AFF3: variants seen among roughly 807,000 people sequenced by gnomAD.
The protein encoded by AFF3 is AF4/FMR2 family member 3.
Under a neutral mutation model 129.7 loss-of-function variants are expected in AFF3, and 32 were observed. The ratio of observed to expected loss-of-function variants is 0.25; its 90% CI spans 0.19 to 0.33. The LOEUF is 0.33. Among genes scored for constraint, AFF3 ranks in the 10% least tolerant of loss-of-function variants. The pLI, the probability that AFF3 is intolerant of heterozygous loss-of-function variation, is 1.00. For missense variants in AFF3, 1,373 were observed against 1,592.0 expected (o/e 0.86, Z 2.34); for synonymous variants, 644 against 635.4 (o/e 1.01, Z -0.20).
chr2:99,805,552 G>T (rs184929343), intron 8 of AFF3, among the ~76,000 whole-genome samples: 148 of 152,072 alleles, frequency 9.7e-4, no homozygotes, highest in African/African-American at 3.5e-3. Context: ...TGTTGCCTGA[G>T]GAAATAATCC....
At chr2:99,639,743 T>G (rs553389463) in intron 13 of AFF3, among the ~76,000 whole-genome samples, 1 of 151,268 alleles carries the variant, frequency 6.6e-6, no homozygotes, top group African/African-American at 2.4e-5. Flanking sequence ...TGGAGTGCAA[T>G]GGAGTGCAAT....
At chr2:99,551,719 T>C (rs1455906598) in intron 24 of AFF3, 124 bp from the exon 25 acceptor site, 18 of 1,251,954 alleles carry the variant, frequency 1.4e-5, no homozygotes, top group Admixed American at 2.3e-5. Context: ...CGTTCCATCA[T>C]GTAACTTTAG....
At chr2:99,778,416 C>T (rs1238567728) in intron 8 of AFF3, among the ~76,000 whole-genome samples, 1 of 152,178 alleles carries the variant, frequency 6.6e-6, no homozygotes, top group Non-Finnish European at 1.5e-5. Flanking sequence ...TAACAGCACG[C>T]ATAGAAAGCA....
intron 11 of AFF3, among the ~76,000 whole-genome samples, chr2:99,690,243 C>G (rs191445161): frequency 6.8e-6 from 1 of 147,988 alleles, no homozygotes; most frequent in African/African-American, 2.5e-5. Flanking sequence ...TGCAGTGGCG[C>G]GATCTCGGCT....
At chr2:99,770,458 C>T (rs1377959234) in intron 8 of AFF3, among the ~76,000 whole-genome samples, 1 of 152,148 alleles carries the variant, frequency 6.6e-6, no homozygotes, top group African/African-American at 2.4e-5. Flanking sequence ...ACACCAAGAG[C>T]CTGCTTAGTG....
intron 7 of AFF3, among the ~76,000 whole-genome samples, chr2:99,957,518 G>A (rs1397148519): frequency 6.6e-6 from 1 of 152,124 alleles, no homozygotes; most frequent in Non-Finnish European, 1.5e-5. Context: ...GAATCAAAAT[G>A]ACACGGTGCA....
chr2:99,721,691 T>C (rs1295647923), intron 11 of AFF3, among the ~76,000 whole-genome samples: 2 of 152,250 alleles, frequency 1.3e-5, no homozygotes, highest in African/African-American at 2.4e-5. Flanking sequence ...ATATTATTTT[T>C]CTCTGGCTGT....
intron 4 of AFF3, among the ~76,000 whole-genome samples, chr2:100,036,898 A>G (rs563013336): frequency 6.6e-6 from 1 of 152,220 alleles, no homozygotes; most frequent in East Asian, 1.9e-4. Context: ...TACCTACCAA[A>G]TAGGCAAAGA....
At chr2:99,702,953 G>A (rs894086602) in intron 11 of AFF3, among the ~76,000 whole-genome samples, 67 of 152,152 alleles carry the variant, frequency 4.4e-4, no homozygotes, top group African/African-American at 1.5e-3. Flanking sequence ...TATGGATCAA[G>A]CTTTTTGTGT....
intron 8 of AFF3, among the ~76,000 whole-genome samples, chr2:99,783,596 G>A (rs1173089705): frequency 3.9e-5 from 6 of 152,224 alleles, no homozygotes; most frequent in South Asian, 2.1e-4. Flanking sequence ...GACGAAATAC[G>A]TGTTCTTTTA....
chr2:99,664,049 A>T (rs998883018), intron 12 of AFF3, among the ~76,000 whole-genome samples: 13 of 152,168 alleles, frequency 8.5e-5, no homozygotes, highest in African/African-American at 2.4e-4. Flanking sequence ...AATCTATTAA[A>T]TTTTTTTAAT....
chr2:99,741,436 G>A (rs1680712690), intron 10 of AFF3, among the ~76,000 whole-genome samples: 3 of 152,034 alleles, frequency 2.0e-5, no homozygotes, highest in South Asian at 4.2e-4. Context: ...CAGACAAACA[G>A]AGAGCCAAAT....
rs138245031 is a variant in AFF3, at chr2:100,007,281, G to A, written c.354C>T (p.Ala118=). The change falls in exon 6 of 25, where the codon GCC becomes GCT. Residue 118 remains alanine (A), a synonymous_variant. Coordinates refer to ENST00000672756, the MANE Select transcript of AFF3 (RefSeq NM_001386135.1). ...IDEHFVADSR[A]QNQPSSICST... ...TACAGATAGACGAGGGCTGGTTCTG[G>A]GCTCTTGAATCTGCAACAAAATGTT... 2 of 1,614,058 alleles carry A rather than the reference G, an allele frequency of 1.2e-6. No homozygotes were observed. Among genetic ancestry groups the A allele is most frequent in the African/African-American group, 1.3e-5 (1 of 74,990 alleles).
At chr2:99,948,667 C>T (rs1029806442) in intron 7 of AFF3, among the ~76,000 whole-genome samples, 3 of 152,138 alleles carry the variant, frequency 2.0e-5, no homozygotes, top group Admixed American at 6.5e-5. Flanking sequence ...AAAACTTCTC[C>T]AGACAGAGCC....
intron 11 of AFF3, among the ~76,000 whole-genome samples, chr2:99,673,045 G>C (rs1417172323): frequency 1.3e-5 from 2 of 150,754 alleles, no homozygotes; most frequent in African/African-American, 4.9e-5. Context: ...TAAAAAAGAA[G>C]ATGCTTTTTT....
chr2:100,137,909 A>G (rs1028273786), intron 1 of AFF3, among the ~76,000 whole-genome samples: 2 of 152,204 alleles, frequency 1.3e-5, no homozygotes, highest in South Asian at 4.1e-4. Context: ...CTTTAAGAGA[A>G]TTCCTTGGTC....
intron 4 of AFF3, among the ~76,000 whole-genome samples, chr2:100,026,364 G>C (rs1684042726): frequency 6.6e-6 from 1 of 152,136 alleles, no homozygotes; most frequent in Non-Finnish European, 1.5e-5. Context: ...CCTTACTCCT[G>C]CAAGAATGGC....
chr2:99,622,921 A>C (rs1228920248), intron 13 of AFF3, among the ~76,000 whole-genome samples: 1 of 152,188 alleles, frequency 6.6e-6, no homozygotes, highest in Non-Finnish European at 1.5e-5. Context: ...GCTCTGGTTC[A>C]TGTCTTTGAT....
intron 7 of AFF3, among the ~76,000 whole-genome samples, chr2:99,965,425 C>T (rs923858799): frequency 6.6e-6 from 1 of 152,192 alleles, no homozygotes; most frequent in Non-Finnish European, 1.5e-5. Context: ...TTCAATTATT[C>T]CAGTCCTGCT....
Sources: gnomAD v4.1 joint callset for allele counts (sites outside exome capture counted in the v4.1 genomes callset) on GRCh38, gnomAD v4.1.1 for gene constraint, MANE v1.5 for transcripts, NCBI Gene and HGNC (gene_info 2026-07-23, HGNC 2026-07-21) for gene names.